Variants in TRPM4 observed in about 807,000 individuals in gnomAD.
TRPM4 encodes calcium-activated non-selective cation channel 1.
A neutral mutation model predicts 135.6 loss-of-function variants in TRPM4; 124 were observed. The observed-to-expected ratio is 0.91, with a 90% confidence interval of 0.79 to 1.06. The LOEUF (loss-of-function observed/expected upper bound fraction) is 1.06. TRPM4 is among the 50% of genes least tolerant of loss of function. TRPM4 has a pLI of 0.00. For synonymous variants in TRPM4, 745 were observed against 705.6 expected (o/e 1.06, Z -0.88); for missense variants, 1,658 against 1,671.4 (o/e 0.99, Z 0.14).
At chr19:49,177,757 C>G (rs1270761430) in intron 9 of TRPM4, among the ~76,000 whole-genome samples, 1 of 145,578 alleles carries the variant, frequency 6.9e-6, no homozygotes, top group Non-Finnish European at 1.6e-5. Context: ...GACTGAGGCT[C>G]AGAGAGAGGA....
intron 10 of TRPM4, among the ~76,000 whole-genome samples, chr19:49,182,150 A>T (rs1026238396): frequency 2.0e-5 from 3 of 148,124 alleles, no homozygotes; most frequent in Admixed American, 1.3e-4. Context: ...CCATCCATCC[A>T]TTCATCTGTC....
chr19:49,197,451 C>T (rs1454039408), intron 17 of TRPM4, among the ~76,000 whole-genome samples: 2 of 133,726 alleles, frequency 1.5e-5, no homozygotes, highest in Non-Finnish European at 3.2e-5. Context: ...TCCCTCTGTC[C>T]TCTGCCCCTC....
In TRPM4 at chr19:49,170,578, T is replaced by C. The variant is rs1600417793; in HGVS notation, c.797-779T>C. 2.6e-5 allele frequency among the ~76,000 whole-genome samples: 4 copies of C among 152,330 alleles called. No homozygotes were observed. In the East Asian group the frequency reaches 7.7e-4, roughly 29 times the overall value. ...GGTAAATATCTATATTGTGGTTAGA[T>C]AGCCCTTTCTATTCCCATTTCCTTT... On this transcript the variant is annotated intron_variant, in intron 6 of 24. Transcript: ENST00000252826.
chr19:49,158,622 C>T (rs867220153), intron 2 of TRPM4: 1 of 256,962 alleles, frequency 3.9e-6, no homozygotes, highest in South Asian at 4.8e-5. Flanking sequence ...ATTCATTCAT[C>T]CATCCATGCA....
intron 17 of TRPM4, among the ~76,000 whole-genome samples, chr19:49,199,557 C>T (rs1202536711): frequency 6.6e-6 from 1 of 152,146 alleles, no homozygotes; most frequent in African/African-American, 2.4e-5. Flanking sequence ...CTGCGACCGG[C>T]CACCCTCCCG....
intron 9 of TRPM4, 75 bp downstream of exon 9, chr19:49,172,183 T>A (rs1967490735): frequency 8.8e-7 from 1 of 1,139,000 alleles, no homozygotes; most frequent in South Asian, 1.2e-5. Context: ...GGGCACTTCA[T>A]CCACCCTCTC....
chr19:49,186,284 C>G (rs1389029610), intron 12 of TRPM4, among the ~76,000 whole-genome samples: 1 of 152,210 alleles, frequency 6.6e-6, no homozygotes. Context: ...AATACTTAGC[C>G]AAGCTGTTTA....
At chr19:49,178,737 G>GTAT (rs35033537) in intron 9 of TRPM4, among the ~76,000 whole-genome samples, 5 of 118,744 alleles carry the variant, frequency 4.2e-5, no homozygotes, top group East Asian at 2.1e-4. Context: ...ATAAAGCAAG[G>GTAT]TATTATTATT....
At chr19:49,203,361 A>G (rs1969019862) in intron 20 of TRPM4, among the ~76,000 whole-genome samples, 1 of 151,042 alleles carries the variant, frequency 6.6e-6, no homozygotes, top group African/African-American at 2.4e-5. Context: ...TTGTATTTTT[A>G]GTAGAGATGG....
chr19:49,193,106 A>C (rs889004116), intron 16 of TRPM4, among the ~76,000 whole-genome samples: 3 of 126,508 alleles, frequency 2.4e-5, no homozygotes, highest in African/African-American at 9.4e-5. Flanking sequence ...TTTGAGATGG[A>C]GTCTTACTCT....
Position 49,188,974 on chromosome 19 carries a change from T to G in TRPM4, c.1902T>G (p.Ser634Arg), listed in dbSNP as rs1968306839. Reference sequence around the variant, plus strand: ...TCTTTGGCGAGTGCTATCGCAGCAGTGAGGTGAGGGCTGCCCGCCTCCTCC... The same window carrying G: ...TCTTTGGCGAGTGCTATCGCAGCAGGGAGGTGAGGGCTGCCCGCCTCCTCC... The part of the protein sequence containing the change: ...VDLFGECYRS[S>R]EVRAARLLLR... Residue 634 changes from serine (S) to arginine (R), a missense_variant, in exon 14 of 25, where the codon AGT becomes AGG. By Grantham distance (110) the Ser-to-Arg change is moderately radical. This residue lies in a region of TRPM4 where 1,412 missense variants were observed against 1,408.7 expected (regional missense o/e 1.00). Coordinates refer to ENST00000252826, the MANE Select transcript of TRPM4 (RefSeq NM_017636.4). The G allele has an allele frequency of 1.2e-6, 2 of 1,614,116 alleles. No individual in the cohort carries two copies. The highest frequency in any genetic ancestry group is 1.7e-6 in the Non-Finnish European group (2 of 1,180,020).
chr19:49,182,878 G>C lies in TRPM4; in HGVS notation c.1564G>C (p.Gly522Arg), dbSNP rs757052811. Reference protein sequence around the residue: ...GKMCAPRYPSGGAWDPHPGQG... With the variant: ...GKMCAPRYPSRGAWDPHPGQG... ...GATGTGCGCGCCGAGGTACCCCTCC[G>C]GGGGCGCCTGGGACCCTCACCCAGG... The change falls in exon 11 of 25, where the codon GGG becomes CGG. Residue 522 changes from glycine to arginine, a missense_variant. Gly to Arg is a moderately radical substitution (Grantham distance 125, BLOSUM62 -2). Around this residue, in one of 3 missense-constraint regions of TRPM4, gnomAD observed 1,412 missense variants for 1,408.7 expected, o/e 1.00. Transcript: ENST00000252826. The C allele has an allele frequency of 3.1e-6, 5 of 1,603,612 alleles. No homozygotes were observed. Among genetic ancestry groups the C allele is most frequent in the African/African-American group, 1.3e-5 (1 of 74,710 alleles).
At chr19:49,176,912 G>A (rs73574411) in intron 9 of TRPM4, among the ~76,000 whole-genome samples, 11,309 of 152,120 alleles carry the variant, frequency 0.074, 925 homozygotes, top group African/African-American at 0.2. Context: ...TGGTCTTGAG[G>A]AAGCAGCTTC....
intron 17 of TRPM4, among the ~76,000 whole-genome samples, chr19:49,197,348 CTTTCTT>C (rs1185480708): frequency 1.0e-4 from 12 of 116,166 alleles, no homozygotes; most frequent in Middle Eastern, 4.1e-3. Context: ...TTCTTTCTTT[CTTTCTT>C]TCTTTCTTTC....
At chr19:49,200,191 C>G in intron 17 of TRPM4, 109 bp from the exon 18 acceptor site, 4 of 1,558,254 alleles carry the variant, frequency 2.6e-6, no homozygotes. Context: ...GGGTCCTGGT[C>G]CTGCCCGGTG....
At chr19:49,168,452 C>A in intron 5 of TRPM4, 29 bp downstream of exon 5, 1 of 1,613,840 alleles carries the variant, frequency 6.2e-7, no homozygotes, top group East Asian at 2.2e-5. Context: ...GAAAAGGGGG[C>A]TGGAGGCCTG....
intron 9 of TRPM4, among the ~76,000 whole-genome samples, chr19:49,174,865 G>T (rs1967615664): frequency 6.6e-6 from 1 of 151,304 alleles, no homozygotes; most frequent in Non-Finnish European, 1.5e-5. Context: ...GATTCCCAGG[G>T]CTCTGTGTGG....
intron 1 of TRPM4, 95 bp from the exon 2 acceptor site, chr19:49,158,097 G>A: frequency 7.2e-7 from 1 of 1,379,452 alleles, no homozygotes; most frequent in Non-Finnish European, 1.0e-6. Flanking sequence ...CTGTGTCCGT[G>A]GGGAGCGCAC....
intron 10 of TRPM4, among the ~76,000 whole-genome samples, chr19:49,182,264 T>TCCATCCATC (rs1967986193): frequency 1.1e-4 from 6 of 55,744 alleles, no homozygotes; most frequent in African/African-American, 1.7e-4. Flanking sequence ...GTCCATCCAT[T>TCCATCCATC]CATCTGTCCA....
Sources: allele counts gnomAD v4.1 joint callset (sites outside exome capture counted in the v4.1 genomes callset), GRCh38; gene constraint gnomAD v4.1.1; regional missense constraint gnomAD v4.1.1; transcripts MANE v1.5; gene names NCBI Gene and HGNC (gene_info 2026-07-23, HGNC 2026-07-21).